The following TBC1D5 variants were observed in gnomAD, a reference collection of about 807,000 sequenced individuals.
TBC1D5 encodes the protein TBC1 domain family, member 5.
In TBC1D5, 75 loss-of-function variants were observed where a neutral mutation model predicts 100.3. That is an observed-to-expected ratio of 0.75 (90% CI 0.62 to 0.91). The LOEUF is 0.91. Among genes scored for constraint, TBC1D5 ranks in the 40% least tolerant of loss-of-function variants. The pLI is 0.00. For synonymous variants in TBC1D5, 323 were observed against 325.6 expected, an observed-to-expected ratio of 0.99 and a Z score of 0.09; for missense variants, 910 against 942.4, an observed-to-expected ratio of 0.97 and a Z score of 0.45.
intron 4 of TBC1D5, 31 bp downstream of exon 4, chr3:17,428,407 GTGTGTATATATA>G: frequency 2.0e-6 from 1 of 496,972 alleles, no homozygotes; most frequent in Non-Finnish European, 3.0e-6. Flanking sequence ...GTGTGTGTGT[GTGTGTATATATA>G]TATATATATA....
chr3:17,509,170 T>TA (rs1442055064), intron 2 of TBC1D5, among the ~76,000 whole-genome samples: 17 of 150,670 alleles, frequency 1.1e-4, no homozygotes, highest in Non-Finnish European at 1.6e-4. Context: ...CTCCCCAGTT[T>TA]AAAGAAAAAA....
intron 15 of TBC1D5, among the ~76,000 whole-genome samples, chr3:17,274,477 A>C (rs2733487): frequency 0.42 from 63,305 of 151,734 alleles, 13,866 homozygotes; most frequent in Middle Eastern, 0.5. Context: ...TCAGTGGATT[A>C]TCTTGTAAGT....
intron 2 of TBC1D5, among the ~76,000 whole-genome samples, chr3:17,618,138 T>C (rs913572337): frequency 1.3e-5 from 2 of 152,310 alleles, no homozygotes; most frequent in East Asian, 1.9e-4. Flanking sequence ...TTTGTTAGTT[T>C]TCCTTCTAAC....
At chr3:17,661,358 A>C (rs1287246638) in intron 1 of TBC1D5, among the ~76,000 whole-genome samples, 1 of 152,144 alleles carries the variant, frequency 6.6e-6, no homozygotes, top group African/African-American at 2.4e-5. Context: ...CAAGTCAAAA[A>C]ATAATTTTGT....
chr3:17,642,734 C>T (rs1020716734), intron 1 of TBC1D5, among the ~76,000 whole-genome samples: 1 of 152,128 alleles, frequency 6.6e-6, no homozygotes, highest in African/African-American at 2.4e-5. Context: ...AAACCCAAGA[C>T]ATTTCATTAC....
intron 17 of TBC1D5, 126 bp downstream of exon 18, chr3:17,233,559 C>T (rs1403408978): frequency 1.7e-6 from 1 of 577,612 alleles, no homozygotes; most frequent in Non-Finnish European, 3.1e-6. Flanking sequence ...AGTGGCTGAA[C>T]AATGGTAGTG....
chr3:17,233,599 C>CA lies in TBC1D5; in HGVS notation c.1588+4563dup, dbSNP rs547168119. 3.5e-3 allele frequency: 2,648 copies of CA among 764,618 alleles called. 9 individuals carry two copies. Among genetic ancestry groups the CA allele is most frequent in the Admixed American group, 8.1e-3 (250 of 30,788 alleles). 47.4% of individuals were successfully genotyped at this position (764,618 alleles called of 1,614,324 possible). On this transcript the variant is annotated intron_variant, in intron 17 of 21. Coordinates refer to ENST00000253692, the Ensembl canonical transcript of TBC1D5. ...GAAAACAGTATGAATGGAGGGTGGG[C>CA]AAAAAGAAAAATGGAGTTTTGGAGT...
At chr3:17,663,370 ATAC>A (rs1423180697) in intron 1 of TBC1D5, among the ~76,000 whole-genome samples, 1 of 151,948 alleles carries the variant, frequency 6.6e-6, no homozygotes, top group Non-Finnish European at 1.5e-5. Context: ...TACTGACGAC[ATAC>A]TACAAAAGAC....
At chr3:17,296,485 G>C (rs972773883) in intron 14 of TBC1D5, among the ~76,000 whole-genome samples, 14 of 152,180 alleles carry the variant, frequency 9.2e-5, no homozygotes, top group African/African-American at 3.4e-4. Flanking sequence ...AGTACAAATG[G>C]CAAGAAACAA....
chr3:17,468,183 A>G (rs1488629209), intron 3 of TBC1D5, among the ~76,000 whole-genome samples: 1 of 152,234 alleles, frequency 6.6e-6, no homozygotes, highest in Non-Finnish European at 1.5e-5. Context: ...GGAACACTAA[A>G]AAGACTCTAA....
intron 2 of TBC1D5, among the ~76,000 whole-genome samples, chr3:17,546,417 T>TTAC (rs1221293260): frequency 6.6e-6 from 1 of 152,162 alleles, no homozygotes; most frequent in Non-Finnish European, 1.5e-5. Flanking sequence ...AGTCTCTCAA[T>TTAC]TACTGAATTA....
chr3:17,337,205 TA>T (rs921673490), intron 13 of TBC1D5, among the ~76,000 whole-genome samples: 3 of 149,016 alleles, frequency 2.0e-5, no homozygotes, highest in Non-Finnish European at 4.4e-5. Context: ...TGGTGCCTGA[TA>T]ATTTATATTT....
chr3:17,683,685 A>G (rs761736880), intron 1 of TBC1D5, among the ~76,000 whole-genome samples: 1 of 152,154 alleles, frequency 6.6e-6, no homozygotes, highest in Non-Finnish European at 1.5e-5. Context: ...AATGAGTCCT[A>G]ATGCGAGCCC....
chr3:17,473,272 C>T (rs1275818170), intron 3 of TBC1D5, among the ~76,000 whole-genome samples: 1 of 152,030 alleles, frequency 6.6e-6, no homozygotes, highest in Non-Finnish European at 1.5e-5. Flanking sequence ...GTGTCGATAC[C>T]TTGAAAGCAT....
chr3:17,675,732 A>G (rs1457742506), intron 1 of TBC1D5, among the ~76,000 whole-genome samples: 2 of 152,054 alleles, frequency 1.3e-5, no homozygotes, highest in Non-Finnish European at 2.9e-5. Context: ...TTTCATCAAG[A>G]GAGTGACAAA....
intron 16 of TBC1D5, among the ~76,000 whole-genome samples, chr3:17,256,462 A>ATG (rs1559499932): frequency 6.7e-6 from 1 of 148,928 alleles, no homozygotes; most frequent in Non-Finnish European, 1.5e-5. Flanking sequence ...TTATATATAT[A>ATG]TAAACTCAAT....
intron 18 of TBC1D5, among the ~76,000 whole-genome samples, chr3:17,191,586 A>T (rs2069898431): frequency 1.3e-5 from 2 of 152,150 alleles, no homozygotes; most frequent in South Asian, 4.1e-4. Flanking sequence ...CTTGTGGAAC[A>T]TTTATAAACA....
chr3:17,692,500 T>A (rs1053575759), intron 1 of TBC1D5, among the ~76,000 whole-genome samples: 3 of 152,098 alleles, frequency 2.0e-5, no homozygotes, highest in African/African-American at 7.2e-5. Context: ...AGAAAAAAAC[T>A]ATGTAAGAGC....
chr3:17,582,966 A>G (rs183740320), intron 2 of TBC1D5, among the ~76,000 whole-genome samples: 3 of 152,258 alleles, frequency 2.0e-5, no homozygotes, highest in Admixed American at 2.0e-4. Context: ...TAATTACTAT[A>G]TAAAAAATAT....
Sources: gnomAD v4.1 joint callset for allele counts (sites outside exome capture counted in the v4.1 genomes callset) on GRCh38, gnomAD v4.1.1 for gene constraint, MANE v1.5 for transcripts, NCBI Gene and HGNC (gene_info 2026-07-23, HGNC 2026-07-21) for gene names.